Variants in ADGB observed in about 807,000 individuals in gnomAD.
The protein encoded by ADGB is calpain-7-like protein.
ADGB carries 172 observed loss-of-function variants against 210.5 expected under a neutral mutation model. The ratio of observed to expected loss-of-function variants is 0.82; its 90% CI spans 0.72 to 0.93. The LOEUF (loss-of-function observed/expected upper bound fraction) is 0.93, where lower values mean the gene tolerates loss of function less well. Ranked by LOEUF, ADGB falls within the 40% of genes least tolerant of loss-of-function variation. ADGB has a pLI of 0.00. For missense variants in ADGB, 2,025 were observed against 1,964.8 expected (o/e 1.03, Z -0.58); for synonymous variants, 658 against 662.7 (o/e 0.99, Z 0.11).
At chr6:146,719,242 C>T (rs575211610) in intron 16 of ADGB, among the ~76,000 whole-genome samples, 1 of 152,218 alleles carries the variant, frequency 6.6e-6, no homozygotes, top group African/African-American at 2.4e-5. Flanking sequence ...TGTTGGCTGC[C>T]ATTTACTAAA....
At chr6:146,754,382 A>C (rs1453168691) in intron 27 of ADGB, among the ~76,000 whole-genome samples, 1 of 151,568 alleles carries the variant, frequency 6.6e-6, no homozygotes, top group Non-Finnish European at 1.5e-5. Context: ...TACTTTGTCA[A>C]TATTTATATT....
chr6:146,630,506 G>A (rs907824281), intron 1 of ADGB, among the ~76,000 whole-genome samples: 1 of 152,066 alleles, frequency 6.6e-6, no homozygotes, highest in Non-Finnish European at 1.5e-5. Context: ...TCAGGACTTA[G>A]AGGCCAGCCT....
At chr6:146,755,907 T>A (rs918362187) in intron 27 of ADGB, among the ~76,000 whole-genome samples, 1 of 152,154 alleles carries the variant, frequency 6.6e-6, no homozygotes, top group Admixed American at 6.6e-5. Flanking sequence ...TTTTTCTATA[T>A]GTAAAAATCT....
At chr6:146,602,868 A>G (rs969542352) in intron 1 of ADGB, among the ~76,000 whole-genome samples, 1 of 152,206 alleles carries the variant, frequency 6.6e-6, no homozygotes, top group African/African-American at 2.4e-5. Context: ...TGATCTTTAC[A>G]AGAATCTAAT....
At position 146,796,700 on chromosome 6, in the gene ADGB, T is replaced by C. The variant is rs930352366; in HGVS notation, c.4538-4483T>C. On this transcript the variant is annotated intron_variant, in intron 33 of 35. Transcript: ENST00000397944. ...AACTGTATCCTCATCTCTCATCTTA[T>C]ACAAAAATCAACTCAAGATGGATCA... Among the ~76,000 whole-genome samples the C allele has an allele frequency of 2.0e-5, 3 of 152,120 alleles. No individual in the cohort carries two copies. The South Asian group carries it at 6.2e-4, about 31-fold the overall frequency.
At chr6:146,792,687 T>A (rs1222884288) in intron 33 of ADGB, among the ~76,000 whole-genome samples, 2 of 152,042 alleles carry the variant, frequency 1.3e-5, no homozygotes, top group Non-Finnish European at 2.9e-5. Context: ...TCTACGTAGT[T>A]GTGAACGGGT....
chr6:146,637,842 T>A (rs1279769425), intron 2 of ADGB, among the ~76,000 whole-genome samples: 1 of 151,998 alleles, frequency 6.6e-6, no homozygotes, highest in Non-Finnish European at 1.5e-5. Context: ...TTACTGAAAC[T>A]ATTCCAAAAA....
At chr6:146,790,400 G>A (rs1449123077) in intron 33 of ADGB, among the ~76,000 whole-genome samples, 1 of 151,878 alleles carries the variant, frequency 6.6e-6, no homozygotes, top group Non-Finnish European at 1.5e-5. Flanking sequence ...ATATCTACAA[G>A]TTCAACATTT....
intron 1 of ADGB, among the ~76,000 whole-genome samples, chr6:146,624,608 T>A (rs1780946220): frequency 6.6e-6 from 1 of 151,952 alleles, no homozygotes; most frequent in African/African-American, 2.4e-5. Flanking sequence ...TATTGATTTC[T>A]GCTTTAATTC....
chr6:146,795,135 C>T (rs1583642820), intron 33 of ADGB, among the ~76,000 whole-genome samples: 1 of 152,222 alleles, frequency 6.6e-6, no homozygotes, highest in South Asian at 2.1e-4. Flanking sequence ...ACTCTAGAAG[C>T]AAATTGCTAA....
At position 146,801,822 on chromosome 6, in the gene ADGB, A is replaced by T; in HGVS notation, c.4635-6A>T. On this transcript the variant is annotated splice_region_variant and splice_polypyrimidine_tract_variant and intron_variant, in intron 34 of 35. Coordinates refer to ENST00000397944, the MANE Select transcript of ADGB (RefSeq NM_024694.4). ...ATCTGTATCTTTTGATGACTTTTGT[A>T]TCAAGGAAAACAGATACAGATCCTC... 2 of 1,533,056 alleles carry T rather than the reference A, an allele frequency of 1.3e-6. No individual in the cohort carries two copies. The highest frequency in any genetic ancestry group is 2.5e-5 in the South Asian group (2 of 80,800). The allele number at this position is 1,533,056 out of a possible 1,614,324, so 95.0% of individuals were successfully genotyped here. A position where few individuals can be genotyped will look rare whatever the true frequency, so the allele number is the denominator to read the frequency against.
intron 1 of ADGB, among the ~76,000 whole-genome samples, chr6:146,625,184 G>A (rs1295364881): frequency 6.6e-6 from 1 of 151,948 alleles, no homozygotes; most frequent in Non-Finnish European, 1.5e-5. Context: ...TCTCTACTGT[G>A]TTTATAAATA....
chr6:146,788,579 G>A lies in ADGB; in HGVS notation c.4506G>A (p.Glu1502=), dbSNP rs1490805722. The part of the protein sequence containing the change: ...SGGVSSPGKE[E]REQSTRKENI... ...GAGTGTCTTCACCAGGGAAAGAAGA[G>A]CGCGAGCAGAGCACACGGAAGGAAA... The change falls in exon 33 of 36, where the codon GAG becomes GAA. Residue 1502 remains glutamate (E), a synonymous_variant. Transcript: ENST00000397944. The A allele has an allele frequency of 3.2e-6, 5 of 1,551,780 alleles. No homozygotes were observed. Among genetic ancestry groups the A allele is most frequent in the African/African-American group, 1.4e-5 (1 of 73,148 alleles).
chr6:146,740,382 T>C, intron 23 of ADGB, 77 bp from the exon 24 acceptor site: 6 of 1,280,560 alleles, frequency 4.7e-6, no homozygotes, highest in Non-Finnish European at 6.3e-6. Flanking sequence ...CTATTTTTTG[T>C]CATTTCTTTT....
intron 29 of ADGB, among the ~76,000 whole-genome samples, chr6:146,772,427 A>G (rs903118239): frequency 4.1e-5 from 6 of 147,248 alleles, no homozygotes; most frequent in Non-Finnish European, 9.0e-5. Context: ...TATTTATTAT[A>G]TATATATATC....
intron 27 of ADGB, among the ~76,000 whole-genome samples, chr6:146,753,938 G>T (rs927911197): frequency 1.3e-5 from 2 of 151,454 alleles, no homozygotes; most frequent in Non-Finnish European, 3.0e-5. Flanking sequence ...TGAGAACTTT[G>T]TAGTTTTTCT....
chr6:146,719,826 T>C (rs534668859), intron 16 of ADGB, among the ~76,000 whole-genome samples: 4 of 152,114 alleles, frequency 2.6e-5, no homozygotes, highest in Non-Finnish European at 5.9e-5. Flanking sequence ...GGGTCCTTCA[T>C]ATTTTCAGAT....
intron 20 of ADGB, among the ~76,000 whole-genome samples, chr6:146,731,959 G>A (rs974447088): frequency 1.8e-4 from 28 of 152,086 alleles, no homozygotes; most frequent in Non-Finnish European, 2.2e-4. Context: ...AGGCCTGTGT[G>A]TTTTAACTAT....
intron 5 of ADGB, 95 bp from the exon 6 acceptor site, chr6:146,664,106 A>G (rs1284015769): frequency 1.6e-6 from 2 of 1,239,052 alleles, no homozygotes; most frequent in East Asian, 5.3e-5. Flanking sequence ...AAAATTGGAA[A>G]ACGGTAAATA....
Sources: allele counts gnomAD v4.1 joint callset (sites outside exome capture counted in the v4.1 genomes callset), GRCh38; gene constraint gnomAD v4.1.1; transcripts MANE v1.5; gene names NCBI Gene and HGNC (gene_info 2026-07-23, HGNC 2026-07-21).